Variants in TMEM63C observed in about 807,000 individuals in gnomAD.
TMEM63C encodes the protein transmembrane protein 63C, also known as osmosensitive cation channel TMEM63C.
A neutral mutation model predicts 99.2 loss-of-function variants in TMEM63C; 32 were observed. That is an observed-to-expected ratio of 0.32 (90% CI 0.24 to 0.43). The LOEUF (loss-of-function observed/expected upper bound fraction) is 0.43. TMEM63C is among the 20% of genes least tolerant of loss of function. The probability of loss-of-function intolerance (pLI) is 1.00; values close to 1 mark genes in which losing one functional copy is unlikely to be tolerated. For missense variants in TMEM63C, 826 were observed against 1,053.0 expected (o/e 0.78, Z 2.98); for synonymous variants, 376 against 397.9 (o/e 0.94, Z 0.66).
Position 77,231,583 on chromosome 14 carries a change from T to C in TMEM63C, c.351-5T>C, listed in dbSNP as rs1339069018. On this transcript the variant is annotated splice_polypyrimidine_tract_variant and splice_region_variant and intron_variant, in intron 6 of 23. Transcript: ENST00000298351. ...GGCACGTCCTTGTCTGTGTGTCTCT[T>C]CCAGGGACGAGGATCTGATTAACAA... is the stretch of plus-strand genomic sequence containing the variant. 2 of 1,551,454 alleles carry C rather than the reference T, an allele frequency of 1.3e-6. No homozygotes were observed.
At chr14:77,236,486 T>C in intron 8 of TMEM63C, 138 bp from the exon 9 acceptor site, 1 of 593,640 alleles carries the variant, frequency 1.7e-6, no homozygotes, top group Non-Finnish European at 3.0e-6. Context: ...ACTTGGATGG[T>C]TGTGGGGGTC....
intron 6 of TMEM63C, among the ~76,000 whole-genome samples, chr14:77,225,690 G>T (rs532913102): frequency 6.6e-6 from 1 of 152,324 alleles, no homozygotes; most frequent in East Asian, 1.9e-4. Context: ...AGTCCTTAGG[G>T]AAGGACCACT....
chr14:77,191,002 A>G (rs7154702), intron 1 of TMEM63C, among the ~76,000 whole-genome samples: 59,066 of 152,116 alleles, frequency 0.39, 11,920 homozygotes, highest in East Asian at 0.69. Flanking sequence ...AAAAATTAGA[A>G]ATAATAAAAG....
intron 5 of TMEM63C, among the ~76,000 whole-genome samples, chr14:77,221,941 G>A (rs1296762959): frequency 6.7e-6 from 1 of 148,970 alleles, no homozygotes; most frequent in African/African-American, 2.5e-5. Flanking sequence ...CTCCTCCTGT[G>A]TCTCCTTAGC....
chr14:77,226,133 C>A (rs547852428), intron 6 of TMEM63C, among the ~76,000 whole-genome samples: 6 of 152,348 alleles, frequency 3.9e-5, no homozygotes, highest in Admixed American at 2.6e-4. Flanking sequence ...CGCACACACA[C>A]GTACACGTGT....
At chr14:77,252,231 G>A (rs1889379791) in intron 22 of TMEM63C, among the ~76,000 whole-genome samples, 1 of 152,176 alleles carries the variant, frequency 6.6e-6, no homozygotes, top group South Asian at 2.1e-4. Context: ...TCCAAGGACT[G>A]GAGGCCAAGA....
intron 1 of TMEM63C, among the ~76,000 whole-genome samples, chr14:77,206,285 G>A (rs1691785994): frequency 6.6e-6 from 1 of 152,302 alleles, no homozygotes; most frequent in African/African-American, 2.4e-5. Flanking sequence ...CTGCCCTAGT[G>A]AGAGCTGTGC....
Position 77,231,719 on chromosome 14 carries a change from G to T in TMEM63C, c.482G>T (p.Gly161Val). The stretch of plus-strand genomic sequence containing the variant: ...ATCATTTTGCCCATCAACTATACTG[G>T]ATCTGTTCTGGGTAGGCAAAGCTCA... ...LGIILPINYTGSVLDWSSHFA... is the reference protein window; with the variant it reads ...LGIILPINYTVSVLDWSSHFA... The change falls in exon 7 of 24, where the codon GGA becomes GTA. Residue 161 changes from glycine (G) to valine (V), a missense_variant. Gly to Val is a moderately radical substitution (Grantham distance 109). Coordinates refer to ENST00000298351, the MANE Select transcript of TMEM63C (RefSeq NM_020431.4). 6.4e-7 allele frequency: 1 copy of T among 1,551,656 alleles called. No homozygotes were observed. Among genetic ancestry groups the T allele is most frequent in the East Asian group, 2.4e-5 (1 of 40,926 alleles).
At chr14:77,187,299 C>T (rs756955629) in intron 1 of TMEM63C, among the ~76,000 whole-genome samples, 1 of 152,210 alleles carries the variant, frequency 6.6e-6, no homozygotes, top group African/African-American at 2.4e-5. Flanking sequence ...TTGCTTGAGA[C>T]GAAAAGACTT....
In TMEM63C at chr14:77,235,333, G is replaced by T. The variant is rs1325495222; in HGVS notation, c.543-1291G>T. ...GTCTGAGAAGACTGCAATGGATGGG[G>T]AGATATTTGGGGAGACTGTGATAGG... On this transcript the variant is annotated intron_variant, in intron 8 of 23. Coordinates refer to ENST00000298351, the MANE Select transcript of TMEM63C (RefSeq NM_020431.4). Among the ~76,000 whole-genome samples, 3 of 146,938 alleles carry T rather than the reference G, an allele frequency of 2.0e-5. No individual in the cohort carries two copies. The Admixed American group carries it at 2.1e-4, about 10-fold the overall frequency.
chr14:77,183,528 C>T (rs1296710842), intron 1 of TMEM63C, among the ~76,000 whole-genome samples: 4 of 152,176 alleles, frequency 2.6e-5, no homozygotes. Context: ...CCCTCCTGCC[C>T]GAGTGCCAGC....
At position 77,225,538 on chromosome 14, in the gene TMEM63C, A is replaced by G. The variant is rs534314859; in HGVS notation, c.350+77A>G. 9.4e-5 allele frequency: 142 copies of G among 1,505,092 alleles called. 1 individual carries two copies. In the Middle Eastern group the frequency reaches 1.4e-3, roughly 15 times the overall value. The allele number at this position is 1,505,092 out of a possible 1,614,324, so 93.2% of individuals were successfully genotyped here. On this transcript the variant is annotated intron_variant, in intron 6 of 23. Coordinates refer to ENST00000298351, the MANE Select transcript of TMEM63C (RefSeq NM_020431.4). ...GGTGGAGGCTCCTGGAAAAGTTAGC[A>G]GCCCCCAGCCTGGGAAGACAGGGCC...
In TMEM63C at chr14:77,219,548, G is replaced by T. The variant is rs1389751021; in HGVS notation, c.201G>T (p.Gly67=). ...SFLRKAAWDY[G]RLALLIHNDS... ...TCCGGAAAGCTGCGTGGGACTATGG[G>T]CGCCTGGCTCTGCTGATACACAATG... is the stretch of plus-strand genomic sequence containing the variant. Residue 67 remains glycine (G), a synonymous_variant, in exon 4 of 24, where the codon GGG becomes GGT. Coordinates refer to ENST00000298351, the MANE Select transcript of TMEM63C (RefSeq NM_020431.4). 1.2e-6 allele frequency: 2 copies of T among 1,613,966 alleles called. No individual in the cohort carries two copies. The highest frequency in any genetic ancestry group is 2.2e-5 in the South Asian group (2 of 91,086).
At chr14:77,253,514 C>T in intron 23 of TMEM63C, 138 bp downstream of exon 23, 1 of 797,738 alleles carries the variant, frequency 1.3e-6, no homozygotes, top group East Asian at 2.7e-5. Flanking sequence ...TGGGCTCCCT[C>T]CTCTAATGGA....
chr14:77,251,183 C>T (rs1889352812), intron 21 of TMEM63C, among the ~76,000 whole-genome samples: 10 of 152,200 alleles, frequency 6.6e-5, no homozygotes, highest in Admixed American at 6.5e-4. Context: ...AGTCAGTTCT[C>T]CGTGATTGGA....
At chr14:77,253,424 G>C (rs752736170) in intron 23 of TMEM63C, 48 bp downstream of exon 23, 1 of 1,536,554 alleles carries the variant, frequency 6.5e-7, no homozygotes, top group Non-Finnish European at 8.9e-7. Context: ...TGCTTGCAGG[G>C]ATGGTCTACT....
rs1889487226 is a variant in TMEM63C, at chr14:77,257,467, A to AT, written c.*746dup. 2 of 152,144 alleles carry AT rather than the reference A, an allele frequency of 1.3e-5. No homozygotes were observed. Among genetic ancestry groups the AT allele is most frequent in the African/African-American group, 2.4e-5 (1 of 41,432 alleles). The allele number at this position is 152,144 out of a possible 1,614,324, so 9.4% of individuals were successfully genotyped here. The stretch of plus-strand genomic sequence containing the variant: ...GGCTCATCAAATGAGACTCGTGTGC[A>AT]TTTTTCAGAAGGAAACCTTGGTTAG... On this transcript the variant is annotated 3_prime_UTR_variant, in exon 24 of 24. Coordinates refer to ENST00000298351, the MANE Select transcript of TMEM63C (RefSeq NM_020431.4).
chr14:77,251,781 C>G lies in TMEM63C; in HGVS notation c.2039-8C>G. 6.2e-7 allele frequency: 1 copy of G among 1,610,834 alleles called. No homozygotes were observed. The highest frequency in any genetic ancestry group is 1.1e-5 in the South Asian group (1 of 91,020). ...CTCCTGCCCATGACTTTTTCTCCTC[C>G]TCGGCAGGTTCTCTCCACGCCATCA... On this transcript the variant is annotated splice_polypyrimidine_tract_variant and splice_region_variant and intron_variant, in intron 21 of 23. Coordinates refer to ENST00000298351, the MANE Select transcript of TMEM63C (RefSeq NM_020431.4).
Position 77,233,475 on chromosome 14 carries a change from A to G in TMEM63C, c.517A>G (p.Thr173Ala), listed in dbSNP as rs761560263. The change falls in exon 8 of 24, where the codon ACC (threonine) becomes GCC (alanine). Residue 173 changes from threonine to alanine, a missense_variant. Thr to Ala is a moderately conservative substitution (Grantham distance 58). Transcript: ENST00000298351. ...VLDWSSHFAR[T>A]TIVNVSTESK... ...AGACTGGAGCAGTCACTTTGCTCGGACCACCATTGTCAATGTCTCCACAGA... is the reference window on the plus strand; with the variant it reads ...AGACTGGAGCAGTCACTTTGCTCGGGCCACCATTGTCAATGTCTCCACAGA... The G allele has an allele frequency of 6.2e-7, 1 of 1,613,590 alleles. No homozygotes were observed. The highest frequency in any genetic ancestry group is 1.1e-5 in the South Asian group (1 of 90,948).
Sources: allele counts gnomAD v4.1 joint callset (sites outside exome capture counted in the v4.1 genomes callset), GRCh38; gene constraint gnomAD v4.1.1; transcripts MANE v1.5; gene names NCBI Gene and HGNC (gene_info 2026-07-23, HGNC 2026-07-21).